Variants in CTNNA3 observed in about 807,000 individuals in gnomAD.
The protein encoded by CTNNA3 is catenin alpha 3, also known as catenin alpha-3.
In CTNNA3, 76 loss-of-function variants were observed where a neutral mutation model predicts 95.7. The observed-to-expected ratio is 0.79, with a 90% confidence interval of 0.66 to 0.96. The LOEUF is 0.96. Ranked by LOEUF, CTNNA3 falls within the 40% of genes least tolerant of loss-of-function variation. CTNNA3 has a pLI of 0.00. For synonymous variants in CTNNA3, 431 were observed against 374.4 expected, an observed-to-expected ratio of 1.15 and a Z score of -1.74; for missense variants, 1,191 against 1,089.8, an observed-to-expected ratio of 1.09 and a Z score of -1.31.
chr10:66,384,070 T>C (rs1414165740), intron 11 of CTNNA3, among the ~76,000 whole-genome samples: 2 of 152,134 alleles, frequency 1.3e-5, no homozygotes, highest in Admixed American at 6.5e-5. Context: ...AACATCATAA[T>C]GACAGGATCA....
intron 13 of CTNNA3, among the ~76,000 whole-genome samples, chr10:66,196,067 T>A (rs1428818716): frequency 6.6e-6 from 1 of 152,144 alleles, no homozygotes; most frequent in African/African-American, 2.4e-5. Context: ...AATAATATAA[T>A]GTTTACATAA....
At chr10:66,817,891 A>G (rs1036986956) in intron 7 of CTNNA3, among the ~76,000 whole-genome samples, 1 of 152,046 alleles carries the variant, frequency 6.6e-6, no homozygotes, top group Non-Finnish European at 1.5e-5. Flanking sequence ...AAAAACCATC[A>G]ACAAAATATT....
At chr10:67,371,450 A>G (rs1401223624) in intron 5 of CTNNA3, among the ~76,000 whole-genome samples, 1 of 143,508 alleles carries the variant, frequency 7.0e-6, no homozygotes, top group Non-Finnish European at 1.5e-5. Context: ...TCATTGTTCA[A>G]TTCCCACCAA....
intron 12 of CTNNA3, among the ~76,000 whole-genome samples, chr10:66,360,225 C>A (rs754319401): frequency 6.6e-6 from 1 of 151,646 alleles, no homozygotes; most frequent in African/African-American, 2.4e-5. Context: ...CAGTCAATTT[C>A]TCATCCCTCT....
At chr10:67,558,228 G>A (rs937346289) in intron 3 of CTNNA3, among the ~76,000 whole-genome samples, 3 of 152,140 alleles carry the variant, frequency 2.0e-5, no homozygotes, top group African/African-American at 7.2e-5. Flanking sequence ...TCCAACCTCT[G>A]TAGTATGGTC....
At chr10:66,836,150 C>T (rs1289833509) in intron 7 of CTNNA3, among the ~76,000 whole-genome samples, 1 of 152,152 alleles carries the variant, frequency 6.6e-6, no homozygotes, top group Non-Finnish European at 1.5e-5. Context: ...TATTAAGCTA[C>T]AACATGATGT....
chr10:66,055,921 CAAAAAAAA>C lies in CTNNA3; in HGVS notation c.2159+13379_2159+13386del, dbSNP rs386371652. On this transcript the variant is annotated intron_variant, in intron 15 of 17. Transcript: ENST00000433211. Reference sequence around the variant, plus strand: ...TGGGCGACAGAGCGAGACTCCATCTCAAAAAAAAAAAAAAAAAAAAAAGATATAAAATC... The same window carrying C: ...TGGGCGACAGAGCGAGACTCCATCTCAAAAAAAAAAAAAAGATATAAAATC... Among the ~76,000 whole-genome samples, 205 of 60,224 alleles carry C rather than the reference CAAAAAAAA, an allele frequency of 3.4e-3. 2 individuals carry two copies. The highest frequency in any genetic ancestry group is 0.031 in the Middle Eastern group (3 of 98). The allele number at this position is 60,224 out of a possible 152,430, so 39.5% of individuals were successfully genotyped here. A position where few individuals can be genotyped will look rare whatever the true frequency, so the allele number is the denominator to read the frequency against.
intron 9 of CTNNA3, among the ~76,000 whole-genome samples, chr10:66,749,861 G>A (rs955288858): frequency 6.6e-6 from 1 of 152,136 alleles, no homozygotes; most frequent in Non-Finnish European, 1.5e-5. Flanking sequence ...TTCTTGCTCG[G>A]CATCCTCACC....
rs941672522 is a variant in CTNNA3 at position 66,642,012 on chromosome 10, T to C, written c.1282-20228A>G. ...CTTATCTGAGCCTGTTGCCTTCTTC[T>C]GTGCAAAAGAACCATTATAGATAAA... On this transcript the variant is annotated intron_variant, in intron 9 of 17. Coordinates refer to ENST00000433211, the MANE Select transcript of CTNNA3 (RefSeq NM_013266.4). 1.6e-4 allele frequency among the ~76,000 whole-genome samples: 24 copies of C among 152,186 alleles called. No homozygotes were observed. The East Asian group carries it at 4.6e-3, about 29-fold the overall frequency.
At position 65,920,703 on chromosome 10, in the gene CTNNA3, G is replaced by A. The variant is rs546521441; in HGVS notation, c.2401-86C>T. On this transcript the variant is annotated intron_variant, in intron 17 of 17. Coordinates refer to ENST00000433211, the MANE Select transcript of CTNNA3 (RefSeq NM_013266.4). ...AGCGTGGGCATGGTGGCATGTGCCC[G>A]TTGCCCCAGCTACTCAGGAGGCTGA... 3,660 of 1,412,218 alleles carry A rather than the reference G, an allele frequency of 2.6e-3. 28 individuals are homozygous for A. The highest frequency in any genetic ancestry group is 2.1e-3 in the Non-Finnish European group (2,161 of 1,032,692). The allele number at this position is 1,412,218 out of a possible 1,614,324, so 87.5% of individuals were successfully genotyped here.
At position 67,199,758 on chromosome 10, in the gene CTNNA3, G is replaced by A. The variant is rs184156527; in HGVS notation, c.844-19238C>T. Among the ~76,000 whole-genome samples the A allele has an allele frequency of 2.7e-3, 414 of 152,238 alleles. 10 individuals are homozygous for A. Among genetic ancestry groups the A allele is most frequent in the Admixed American group, 0.019 (289 of 15,298 alleles). On this transcript the variant is annotated intron_variant, in intron 6 of 17. Coordinates refer to ENST00000433211, the MANE Select transcript of CTNNA3 (RefSeq NM_013266.4). ...TGGGATGCAAAACAACATTCAGAAT[G>A]AAATTAATGTTGAAAGAGTAGTATC...
At chr10:66,679,920 A>T (rs947626907) in intron 9 of CTNNA3, among the ~76,000 whole-genome samples, 25 of 152,274 alleles carry the variant, frequency 1.6e-4, no homozygotes, top group Non-Finnish European at 2.5e-4. Flanking sequence ...TCCAAAACAG[A>T]ATTATTTATG....
At chr10:66,676,439 A>G (rs1180664719) in intron 9 of CTNNA3, among the ~76,000 whole-genome samples, 1 of 152,064 alleles carries the variant, frequency 6.6e-6, no homozygotes, top group Admixed American at 6.6e-5. Context: ...TCTAGGATAC[A>G]TGAGCTAGAG....
At chr10:66,602,219 T>A (rs1307705918) in intron 10 of CTNNA3, among the ~76,000 whole-genome samples, 2 of 151,894 alleles carry the variant, frequency 1.3e-5, no homozygotes, top group African/African-American at 4.8e-5. Flanking sequence ...GAAGAAATAG[T>A]CAGACATTCT....
chr10:66,932,752 GC>G (rs1847478463), intron 7 of CTNNA3, among the ~76,000 whole-genome samples: 1 of 152,082 alleles, frequency 6.6e-6, no homozygotes, highest in African/African-American at 2.4e-5. Flanking sequence ...AATCATAATA[GC>G]CTACAGAATT....
chr10:66,833,746 A>T (rs1336859491), intron 7 of CTNNA3, among the ~76,000 whole-genome samples: 2 of 152,164 alleles, frequency 1.3e-5, no homozygotes, highest in Non-Finnish European at 2.9e-5. Context: ...AGTGAACTAC[A>T]TATCCAATTT....
intron 7 of CTNNA3, among the ~76,000 whole-genome samples, chr10:66,992,318 T>C (rs1851085452): frequency 1.3e-5 from 2 of 152,258 alleles, no homozygotes; most frequent in South Asian, 2.1e-4. Context: ...TTTGCACTTC[T>C]GTAAATCAAC....
intron 5 of CTNNA3, among the ~76,000 whole-genome samples, chr10:67,365,532 A>C (rs976727376): frequency 1.1e-4 from 17 of 152,210 alleles, no homozygotes; most frequent in Non-Finnish European, 2.2e-4. Context: ...TTTACAAGAA[A>C]AAAACAAACA....
chr10:66,040,861 T>C (rs535704748), intron 15 of CTNNA3, among the ~76,000 whole-genome samples: 225 of 152,296 alleles, frequency 1.5e-3, no homozygotes, highest in African/African-American at 5.3e-3. Flanking sequence ...TCTGTACATG[T>C]ATCCCTGAAC....
Sources: gnomAD v4.1 joint callset for allele counts (sites outside exome capture counted in the v4.1 genomes callset) on GRCh38, gnomAD v4.1.1 for gene constraint, MANE v1.5 for transcripts, NCBI Gene and HGNC (gene_info 2026-07-23, HGNC 2026-07-21) for gene names.